Variants in KCNMB2 observed in about 807,000 individuals in gnomAD.
KCNMB2 encodes the protein calcium-activated potassium channel subunit beta-2.
In KCNMB2, 9 loss-of-function variants were observed where a neutral mutation model predicts 24.5. The ratio of observed to expected loss-of-function variants is 0.37; its 90% CI spans 0.22 to 0.64. The LOEUF is 0.64. Among genes scored for constraint, KCNMB2 ranks in the 30% least tolerant of loss-of-function variants. The pLI, the probability that KCNMB2 is intolerant of heterozygous loss-of-function variation, is 0.63. For missense variants in KCNMB2, 226 were observed against 284.3 expected (o/e 0.79, Z 1.47); for synonymous variants, 109 against 104.4 (o/e 1.04, Z -0.27).
rs1260306210 is a variant in KCNMB2 at position 178,758,457 on chromosome 3, G to A, written c.-67-48886G>A. ...ATATATATATACACACACAAGAGGT[G>A]ATATATATACATATATATATCTCCA... On this transcript the variant is annotated intron_variant, in intron 1 of 4. Coordinates refer to ENST00000452583, the MANE Select transcript of KCNMB2 (RefSeq NM_181361.3). Among the ~76,000 whole-genome samples, 5 of 63,424 alleles carry A rather than the reference G, an allele frequency of 7.9e-5. 1 individual carries two copies. Among genetic ancestry groups the A allele is most frequent in the Non-Finnish European group, 1.5e-4 (5 of 34,078 alleles). 41.6% of individuals were successfully genotyped at this position (63,424 alleles called of 152,430 possible).
chr3:178,708,268 A>G (rs1400294396), intron 1 of KCNMB2, among the ~76,000 whole-genome samples: 2 of 152,078 alleles, frequency 1.3e-5, no homozygotes, highest in Non-Finnish European at 2.9e-5. Flanking sequence ...AAGAACAGGG[A>G]CCATGGTTTA....
chr3:178,838,811 GCA>G (rs1430791960), intron 4 of KCNMB2, among the ~76,000 whole-genome samples: 1 of 152,096 alleles, frequency 6.6e-6, no homozygotes, highest in Non-Finnish European at 1.5e-5. Flanking sequence ...GTTGTGCATT[GCA>G]CAGAGGTACC....
chr3:178,578,955 G>T (rs1261895277), intron 1 of KCNMB2, among the ~76,000 whole-genome samples: 1 of 152,068 alleles, frequency 6.6e-6, no homozygotes, highest in Non-Finnish European at 1.5e-5. Context: ...GTCAATATTA[G>T]ACAGATCAAT....
chr3:178,739,735 T>C lies in KCNMB2; in HGVS notation c.-67-67608T>C, dbSNP rs541613065. ...AGAGGTCACAATCTCTAACGCTTACTGGGGCAGGCAGGTAACATAAAGGTG... is the reference window on the plus strand; with the variant it reads ...AGAGGTCACAATCTCTAACGCTTACCGGGGCAGGCAGGTAACATAAAGGTG... On this transcript the variant is annotated intron_variant, in intron 1 of 4. Coordinates refer to ENST00000452583, the MANE Select transcript of KCNMB2 (RefSeq NM_181361.3). Among the ~76,000 whole-genome samples, 24 of 152,254 alleles carry C rather than the reference T, an allele frequency of 1.6e-4. No homozygotes were observed. In the South Asian group the frequency reaches 5.0e-3, roughly 32 times the overall value.
intron 1 of KCNMB2, among the ~76,000 whole-genome samples, chr3:178,690,750 A>C (rs971868943): frequency 6.6e-6 from 1 of 152,186 alleles, no homozygotes; most frequent in African/African-American, 2.4e-5. Flanking sequence ...ATTCAGCACT[A>C]TGGATAGTTC....
rs562807915 is a variant in KCNMB2, at chr3:178,583,473, C to A, written c.-68+46762C>A. On this transcript the variant is annotated intron_variant, in intron 1 of 4. Transcript: ENST00000452583. ...TAATTCAGTAGTTGGAGGTGATATT[C>A]TGTAATTGTAAATAGTTAAGAACTT... is the stretch of plus-strand genomic sequence containing the variant. Among the ~76,000 whole-genome samples, 446 of 152,250 alleles carry A rather than the reference C, an allele frequency of 2.9e-3. 3 individuals carry two copies. The highest frequency in any genetic ancestry group is 9.9e-3 in the African/African-American group (412 of 41,552).
chr3:178,709,112 A>G (rs1262391382), intron 1 of KCNMB2, among the ~76,000 whole-genome samples: 1 of 152,196 alleles, frequency 6.6e-6, no homozygotes, highest in Admixed American at 6.5e-5. Flanking sequence ...GAGTCTCTGC[A>G]AATTCCCAAA....
chr3:178,730,648 C>G, intron 1 of KCNMB2, among the ~76,000 whole-genome samples: 1 of 152,172 alleles, frequency 6.6e-6, no homozygotes, highest in East Asian at 1.9e-4. Context: ...TATGAGAGCT[C>G]AATCCTGCCA....
chr3:178,542,625 G>GCTA (rs1258043738), intron 1 of KCNMB2, among the ~76,000 whole-genome samples: 3 of 152,134 alleles, frequency 2.0e-5, no homozygotes, highest in Non-Finnish European at 4.4e-5. Flanking sequence ...ATGACTGAAG[G>GCTA]CTACTGGTGG....
intron 1 of KCNMB2, among the ~76,000 whole-genome samples, chr3:178,684,666 A>G (rs1386011998): frequency 6.6e-6 from 1 of 152,002 alleles, no homozygotes; most frequent in African/African-American, 2.4e-5. Flanking sequence ...CGTCTCTACT[A>G]AAAATACAAA....
chr3:178,551,764 A>G (rs952857998), intron 1 of KCNMB2, among the ~76,000 whole-genome samples: 3 of 152,226 alleles, frequency 2.0e-5, no homozygotes, highest in African/African-American at 4.8e-5. Flanking sequence ...TAAAATCCCT[A>G]TCGTGCACTT....
At chr3:178,690,554 GGAGT>G (rs776423405) in intron 1 of KCNMB2, among the ~76,000 whole-genome samples, 1 of 151,712 alleles carries the variant, frequency 6.6e-6, no homozygotes, top group African/African-American at 2.4e-5. Context: ...AAAGAGGGAG[GGAGT>G]GAGGGAAGAA....
rs534433511 is a variant in KCNMB2 at position 178,699,508 on chromosome 3, C to T, written c.-67-107835C>T. ...GGCCATAGGGGCTGGCTCACTGGAG[C>T]TCTGTGCCAGTCAGGTAAGGTCTGC... On this transcript the variant is annotated intron_variant, in intron 1 of 4. Transcript: ENST00000452583. Among the ~76,000 whole-genome samples the T allele has an allele frequency of 6.6e-5, 10 of 152,328 alleles. No individual in the cohort carries two copies. In the South Asian group the frequency reaches 2.1e-3, roughly 32 times the overall value.
intron 1 of KCNMB2, among the ~76,000 whole-genome samples, chr3:178,718,637 T>A (rs1018152382): frequency 6.6e-6 from 1 of 152,184 alleles, no homozygotes; most frequent in African/African-American, 2.4e-5. Flanking sequence ...GAGCTATAAA[T>A]TGGAATACAC....
At chr3:178,709,339 C>T (rs1161305555) in intron 1 of KCNMB2, among the ~76,000 whole-genome samples, 1 of 152,156 alleles carries the variant, frequency 6.6e-6, no homozygotes, top group African/African-American at 2.4e-5. Flanking sequence ...TTCCAAGCAT[C>T]GTGGCTAAAT....
intron 1 of KCNMB2, among the ~76,000 whole-genome samples, chr3:178,609,479 T>C (rs1718399607): frequency 1.3e-5 from 2 of 152,108 alleles, no homozygotes; most frequent in African/African-American, 4.8e-5. Flanking sequence ...GCTTTTTAAT[T>C]TGATGTGATC....
intron 1 of KCNMB2, among the ~76,000 whole-genome samples, chr3:178,646,996 C>G (rs1719944568): frequency 6.6e-6 from 1 of 152,138 alleles, no homozygotes; most frequent in Non-Finnish European, 1.5e-5. Context: ...TATAGCTATA[C>G]TGTAATTGAA....
At chr3:178,733,746 T>C (rs1723229741) in intron 1 of KCNMB2, among the ~76,000 whole-genome samples, 1 of 152,210 alleles carries the variant, frequency 6.6e-6, no homozygotes, top group African/African-American at 2.4e-5. Flanking sequence ...CCCAAAGTGC[T>C]GGGATTACAG....
chr3:178,575,540 T>C (rs1716959833), intron 1 of KCNMB2, among the ~76,000 whole-genome samples: 1 of 152,200 alleles, frequency 6.6e-6, no homozygotes. Flanking sequence ...TGCTGTGATT[T>C]CTACTCCACA....
Sources: allele counts gnomAD v4.1 joint callset (sites outside exome capture counted in the v4.1 genomes callset), GRCh38; gene constraint gnomAD v4.1.1; transcripts MANE v1.5; gene names NCBI Gene and HGNC (gene_info 2026-07-23, HGNC 2026-07-21).